Variants in ALKAL1 observed in about 807,000 individuals in gnomAD.
The protein encoded by ALKAL1 is AUG-beta.
Under a neutral mutation model 13.5 loss-of-function variants are expected in ALKAL1, and 23 were observed. The ratio of observed to expected loss-of-function variants is 1.70; its 90% CI spans 1.23 to 2.41. The LOEUF is 2.41. Among genes scored for constraint, ALKAL1 ranks in the 30% most tolerant of loss-of-function variants. ALKAL1 has a pLI of 0.00. For synonymous variants in ALKAL1, 85 were observed against 77.7 expected, an observed-to-expected ratio of 1.09 and a Z score of -0.49; for missense variants, 181 against 178.4, an observed-to-expected ratio of 1.01 and a Z score of -0.08.
At chr8:52,558,023 G>A (rs1847502570) in intron 1 of ALKAL1, among the ~76,000 whole-genome samples, 1 of 150,678 alleles carries the variant, frequency 6.6e-6, no homozygotes, top group South Asian at 2.1e-4. Context: ...GCCTGATGCA[G>A]TGGCTCACTC....
rs1024410415 is a variant in ALKAL1, at chr8:52,542,339, GCA to G, written c.244+51_244+52del. The G allele has an allele frequency of 1.4e-5, 17 of 1,191,734 alleles. No homozygotes were observed. The Admixed American group carries it at 1.6e-4, about 11-fold the overall frequency. 73.8% of individuals were successfully genotyped at this position (1,191,734 alleles called of 1,614,324 possible). ...TCCCTAGTGCCTGACATAGTATTCT[GCA>G]CACAGTCTTTTTATTTAGTTAATGG... On this transcript the variant is annotated intron_variant, in intron 2 of 4. Transcript: ENST00000358543.
intron 1 of ALKAL1, among the ~76,000 whole-genome samples, chr8:52,547,157 CAGT>C (rs1193664483): frequency 1.3e-5 from 2 of 152,092 alleles, no homozygotes; most frequent in Non-Finnish European, 2.9e-5. Flanking sequence ...TAGATGCACG[CAGT>C]AGTTTTTGAT....
intron 1 of ALKAL1, among the ~76,000 whole-genome samples, chr8:52,558,881 T>G (rs1329544409): frequency 2.0e-5 from 3 of 152,174 alleles, no homozygotes; most frequent in Non-Finnish European, 4.4e-5. Flanking sequence ...CTGATAATTC[T>G]GGTGACTGGA....
intron 3 of ALKAL1, 133 bp downstream of exon 3, chr8:52,539,697 GT>G (rs1194024455): frequency 1.5e-6 from 1 of 663,516 alleles, no homozygotes; most frequent in African/African-American, 1.8e-5. Context: ...TTCTGTCAGT[GT>G]TCTAAATCAG....
chr8:52,560,268 G>A (rs779050331), intron 1 of ALKAL1, among the ~76,000 whole-genome samples: 3 of 151,944 alleles, frequency 2.0e-5, no homozygotes, highest in East Asian at 1.9e-4. Flanking sequence ...CATCTTTCAC[G>A]TATGATATAA....
chr8:52,536,650 C>T (rs867672825), intron 4 of ALKAL1, among the ~76,000 whole-genome samples: 3 of 152,162 alleles, frequency 2.0e-5, no homozygotes, highest in Admixed American at 6.5e-5. Flanking sequence ...TTCCTACCTA[C>T]AGTACCAAAA....
intron 1 of ALKAL1, among the ~76,000 whole-genome samples, chr8:52,542,807 A>T (rs1847327321): frequency 6.6e-6 from 1 of 152,104 alleles, no homozygotes; most frequent in Non-Finnish European, 1.5e-5. Flanking sequence ...GTTATGCTTG[A>T]CTTCCTTTTT....
In ALKAL1 at chr8:52,565,300, C is replaced by A; in HGVS notation, c.-44G>T. On this transcript the variant is annotated 5_prime_UTR_variant, in exon 1 of 5. Coordinates refer to ENST00000358543, the MANE Select transcript of ALKAL1 (RefSeq NM_207413.4). ...GAGAGCGGGAGACTCCGGGAGGATC[C>A]CGACGCAGGTCCGGAGGGTGCGCGG... The A allele has an allele frequency of 7.8e-7, 1 of 1,276,104 alleles. No individual in the cohort carries two copies. 79.0% of individuals were successfully genotyped at this position (1,276,104 alleles called of 1,614,324 possible). A position where few individuals can be genotyped will look rare whatever the true frequency, so the allele number is the denominator to read the frequency against.
intron 3 of ALKAL1, 89 bp downstream of exon 3, chr8:52,539,742 A>T: frequency 1.1e-6 from 1 of 937,962 alleles, no homozygotes; most frequent in Non-Finnish European, 1.7e-6. Flanking sequence ...TTAGTCTACT[A>T]CTTCCCACCC....
At chr8:52,562,282 T>C (rs1350151686) in intron 1 of ALKAL1, among the ~76,000 whole-genome samples, 1 of 151,544 alleles carries the variant, frequency 6.6e-6, no homozygotes, top group Non-Finnish European at 1.5e-5. Flanking sequence ...TGAACTAGAG[T>C]GGTGGGAAGG....
intron 1 of ALKAL1, among the ~76,000 whole-genome samples, chr8:52,556,081 G>A (rs1847478756): frequency 6.6e-6 from 1 of 152,004 alleles, no homozygotes; most frequent in Non-Finnish European, 1.5e-5. Flanking sequence ...ATCTCTCCTT[G>A]TAATCTTCTA....
intron 1 of ALKAL1, among the ~76,000 whole-genome samples, chr8:52,564,224 C>T (rs953287493): frequency 5.3e-5 from 8 of 152,178 alleles, no homozygotes; most frequent in African/African-American, 1.4e-4. Context: ...TCGCCGGCAG[C>T]TTCACCTTGC....
At chr8:52,544,567 C>T (rs1017243328) in intron 1 of ALKAL1, among the ~76,000 whole-genome samples, 10 of 151,960 alleles carry the variant, frequency 6.6e-5, no homozygotes, top group South Asian at 2.1e-4. Context: ...AGGAATGGTA[C>T]GGTTAAGCTA....
Position 52,540,058 on chromosome 8 carries a change from C to T in ALKAL1, c.245-147G>A, listed in dbSNP as rs144778698. On this transcript the variant is annotated intron_variant, in intron 2 of 4. Transcript: ENST00000358543. ...ACGTGCCTGAGAGCTCTTCCCCCTA[C>T]CCAGGCTCTGTGGGAGGTAGAGTTG... is the stretch of plus-strand genomic sequence containing the variant. The T allele has an allele frequency of 2.2e-4, 117 of 531,510 alleles. 1 individual carries two copies. The East Asian group carries it at 3.5e-3, about 16-fold the overall frequency. The allele number at this position is 531,510 out of a possible 1,614,324, so 32.9% of individuals were successfully genotyped here. A position where few individuals can be genotyped will look rare whatever the true frequency, so the allele number is the denominator to read the frequency against.
At chr8:52,552,645 T>C (rs754755800) in intron 1 of ALKAL1, among the ~76,000 whole-genome samples, 1 of 152,278 alleles carries the variant, frequency 6.6e-6, no homozygotes, top group Non-Finnish European at 1.5e-5. Context: ...AGTACTTTCT[T>C]TATTTTGTGT....
At chr8:52,564,608 C>T (rs1374805890) in intron 1 of ALKAL1, among the ~76,000 whole-genome samples, 1 of 152,186 alleles carries the variant, frequency 6.6e-6, no homozygotes, top group East Asian at 1.9e-4. Flanking sequence ...CTTCCTCAGC[C>T]ACTCGCTGCG....
chr8:52,540,210 T>C (rs968048557), intron 2 of ALKAL1, among the ~76,000 whole-genome samples: 3 of 152,222 alleles, frequency 2.0e-5, no homozygotes, highest in Non-Finnish European at 4.4e-5. Flanking sequence ...ATAAAAAGTC[T>C]GTAGTGAGCA....
chr8:52,564,755 C>T (rs1847583197), intron 1 of ALKAL1, among the ~76,000 whole-genome samples: 1 of 152,196 alleles, frequency 6.6e-6, no homozygotes, highest in Non-Finnish European at 1.5e-5. Context: ...TCCACCACCC[C>T]TCGGTCGGTG....
At position 52,565,223 on chromosome 8, in the gene ALKAL1, C is replaced by A. The variant is rs1847589232; in HGVS notation, c.34G>T (p.Ala12Ser). The change falls in exon 1 of 5, where the codon GCA becomes TCA. Residue 12 changes from alanine (A) to serine (S), a missense_variant. Transcript: ENST00000358543. ...AAAGCCAGCGCCAGCAGGAAGAGTG[C>A]GGGCAAAGGGGCGCCGGGCTTAAGG... The part of the protein sequence containing the change: ...RPLKPGAPLP[A>S]LFLLALALSP... The A allele has an allele frequency of 6.0e-6, 8 of 1,326,230 alleles. No individual in the cohort carries two copies. Among genetic ancestry groups the A allele is most frequent in the Middle Eastern group, 2.1e-4 (1 of 4,812 alleles). The allele number at this position is 1,326,230 out of a possible 1,614,324, so 82.2% of individuals were successfully genotyped here. A position where few individuals can be genotyped will look rare whatever the true frequency, so the allele number is the denominator to read the frequency against.
Sources: allele counts gnomAD v4.1 joint callset (sites outside exome capture counted in the v4.1 genomes callset), GRCh38; gene constraint gnomAD v4.1.1; transcripts MANE v1.5; gene names NCBI Gene and HGNC (gene_info 2026-07-23, HGNC 2026-07-21).